LIPJ: variants seen among roughly 807,000 people sequenced by gnomAD.
The protein encoded by LIPJ is lipase family member J, also known as lipase member J.
LIPJ carries 33 observed loss-of-function variants against 39.8 expected under a neutral mutation model. The ratio of observed to expected loss-of-function variants is 0.83; its 90% CI spans 0.63 to 1.11. LIPJ has a LOEUF of 1.11. Ranked by LOEUF, LIPJ falls within the 50% of genes least tolerant of loss-of-function variation. The pLI, the probability that LIPJ is intolerant of heterozygous loss-of-function variation, is 0.00. For synonymous variants in LIPJ, 128 were observed against 139.2 expected (o/e 0.92, Z 0.57); for missense variants, 422 against 427.9 (o/e 0.99, Z 0.12).
At chr10:88,602,743 A>G in intron 9 of LIPJ, 96 bp downstream of exon 9, 2 of 614,170 alleles carry the variant, frequency 3.3e-6, no homozygotes, top group Non-Finnish European at 5.4e-6. Context: ...ATAGAGTAAT[A>G]AATTTATAAG....
chr10:88,594,233 AT>A, intron 5 of LIPJ, 89 bp downstream of exon 5: 1 of 938,250 alleles, frequency 1.1e-6, no homozygotes, highest in South Asian at 1.8e-5. Context: ...AGGTCTTACT[AT>A]TTTCACAATT....
downstream of LIPJ, among the ~76,000 whole-genome samples, chr10:88,610,120 T>C (rs1851732042): frequency 6.6e-6 from 1 of 152,016 alleles, no homozygotes; most frequent in Admixed American, 6.6e-5. Context: ...AAGAATAAGG[T>C]TAAAATGAAA....
At chr10:88,595,759 T>C (rs1021996597) in intron 6 of LIPJ, among the ~76,000 whole-genome samples, 2 of 151,582 alleles carry the variant, frequency 1.3e-5, no homozygotes, top group African/African-American at 4.8e-5. Context: ...GTAGATAGCT[T>C]GATAAGATGG....
At chr10:88,583,500 G>T, upstream of LIPJ, 5 of 1,219,572 alleles carry the variant, frequency 4.1e-6, no homozygotes, top group Non-Finnish European at 5.1e-6. Flanking sequence ...GGCTATTGTT[G>T]GGAGAACCCG....
chr10:88,599,005 T>A (rs1325814830), intron 8 of LIPJ, among the ~76,000 whole-genome samples: 7 of 144,058 alleles, frequency 4.9e-5, no homozygotes, highest in South Asian at 2.5e-4. Flanking sequence ...TATATTATAT[T>A]ATAATAATAT....
rs1389925681 is a variant in LIPJ, at chr10:88,602,589, T to C, written c.737T>C (p.Val246Ala). 7 of 1,567,150 alleles carry C rather than the reference T, an allele frequency of 4.5e-6. No individual in the cohort carries two copies. The South Asian group carries it at 8.1e-5, about 18-fold the overall frequency. ...TTTACCCCTCAGAGTCGTTTGGATG[T>C]GTATTTTTCACACAACCCAGCAGGA... is the stretch of plus-strand genomic sequence containing the variant. Residue 246 changes from valine (V) to alanine (A), a missense_variant, in exon 9 of 11, where the codon GTG becomes GCG. Transcript: ENST00000371939.
the LIPJ span, among the ~76,000 whole-genome samples, chr10:88,621,053 G>A: frequency 6.6e-5 from 10 of 152,140 alleles, no homozygotes; most frequent in East Asian, 3.9e-4. Flanking sequence ...CCTTACAAAC[G>A]CCCCACGTCC....
chr10:88,585,106 T>C (rs1257413430), upstream of LIPJ, among the ~76,000 whole-genome samples: 1 of 152,192 alleles, frequency 6.6e-6, no homozygotes. Context: ...CTCAAAATCG[T>C]CAATCTGGAA....
At chr10:88,605,601 T>G in intron 9 of LIPJ, 32 bp from the exon 10 acceptor site, 88 of 1,473,900 alleles carry the variant, frequency 6.0e-5, no homozygotes, top group Non-Finnish European at 7.8e-5. Flanking sequence ...AATGAACAAA[T>G]GATATGGTCT....
upstream of LIPJ, chr10:88,583,359 C>T: frequency 4.3e-6 from 6 of 1,399,442 alleles, no homozygotes; most frequent in South Asian, 1.6e-5. Flanking sequence ...GGAAAGGAGG[C>T]GGCCGGAGCT....
At chr10:88,619,474 T>A in the LIPJ span, among the ~76,000 whole-genome samples, 1 of 25,184 alleles carries the variant, frequency 4.0e-5, no homozygotes, top group Non-Finnish European at 6.3e-5. Flanking sequence ...CACACACATA[T>A]CCCTTTTGTC....
chr10:88,612,444 G>A, the LIPJ span, among the ~76,000 whole-genome samples: 1 of 151,906 alleles, frequency 6.6e-6, no homozygotes, highest in African/African-American at 2.4e-5. Context: ...TGGCAGAATG[G>A]GTAAGAACTC....
At chr10:88,615,781 G>A in the LIPJ span, among the ~76,000 whole-genome samples, 32 of 152,240 alleles carry the variant, frequency 2.1e-4, no homozygotes, top group East Asian at 2.7e-3. Flanking sequence ...CATTTGGAGA[G>A]TGGCCTGGAA....
the LIPJ span, among the ~76,000 whole-genome samples, chr10:88,613,816 G>GTGTGTGTA: frequency 2.1e-3 from 143 of 69,652 alleles, 1 homozygote; most frequent in Non-Finnish European, 3.3e-3. Context: ...GTGTGTGTGT[G>GTGTGTGTA]TATATATATA....
chr10:88,612,743 C>T, the LIPJ span, among the ~76,000 whole-genome samples: 4 of 151,902 alleles, frequency 2.6e-5, no homozygotes, highest in Non-Finnish European at 5.9e-5. Context: ...GAAACAATTA[C>T]GACTAGACCT....
At chr10:88,613,904 TA>T in the LIPJ span, among the ~76,000 whole-genome samples, 2 of 148,012 alleles carry the variant, frequency 1.4e-5, no homozygotes, top group Non-Finnish European at 3.0e-5. Flanking sequence ...AAAAATTATA[TA>T]AAAATATGTT....
downstream of LIPJ, among the ~76,000 whole-genome samples, chr10:88,609,222 T>C (rs1033874417): frequency 6.6e-6 from 1 of 152,232 alleles, no homozygotes; most frequent in Admixed American, 6.5e-5. Flanking sequence ...AAAATATGTG[T>C]ATAGGTTATT....
At chr10:88,583,510 G>T, upstream of LIPJ, 2 of 1,197,416 alleles carry the variant, frequency 1.7e-6, no homozygotes, top group Non-Finnish European at 1.0e-6. Flanking sequence ...GGGAGAACCC[G>T]CCTCGCAACA....
At chr10:88,617,684 C>G in the LIPJ span, among the ~76,000 whole-genome samples, 2 of 152,156 alleles carry the variant, frequency 1.3e-5, no homozygotes, top group African/African-American at 4.8e-5. Context: ...CCTGAGTGAA[C>G]TAGTTGGTAC....
Sources: allele counts gnomAD v4.1 joint callset (sites outside exome capture counted in the v4.1 genomes callset), GRCh38; gene constraint gnomAD v4.1.1; transcripts MANE v1.5; gene names NCBI Gene and HGNC (gene_info 2026-07-23, HGNC 2026-07-21).